The following ETV5 variants were observed in gnomAD, a reference collection of about 807,000 sequenced individuals.
ETV5 encodes the protein ETS variant transcription factor 5, also known as ETS translocation variant 5.
A neutral mutation model predicts 70.0 loss-of-function variants in ETV5; 10 were observed. That is an observed-to-expected ratio of 0.14 (90% CI 0.09 to 0.24). ETV5 has a LOEUF of 0.24. ETV5 is among the 10% of genes least tolerant of loss of function. The pLI is 1.00. For missense variants in ETV5, 453 were observed against 651.2 expected (o/e 0.70, Z 3.31); for synonymous variants, 216 against 242.2 (o/e 0.89, Z 1.01).
At chr3:186,080,902 C>T (rs929543735) in intron 6 of ETV5, 144 bp downstream of exon 6, 7 of 970,974 alleles carry the variant, frequency 7.2e-6, no homozygotes, top group Middle Eastern at 2.6e-4. Flanking sequence ...GGACTACACC[C>T]GGAGGATGAC....
intron 9 of ETV5, among the ~76,000 whole-genome samples, chr3:186,061,546 A>C (rs1273344591): frequency 6.6e-6 from 1 of 152,230 alleles, no homozygotes; most frequent in Non-Finnish European, 1.5e-5. Flanking sequence ...GATTTTGGGA[A>C]TCACACTGCT....
At chr3:186,067,534 C>G (rs1280499730) in intron 7 of ETV5, among the ~76,000 whole-genome samples, 1 of 152,060 alleles carries the variant, frequency 6.6e-6, no homozygotes, top group Non-Finnish European at 1.5e-5. Flanking sequence ...ATCACTTGAA[C>G]CCAGGAGGTG....
At chr3:186,053,582 T>G (rs1278932295) in intron 11 of ETV5, among the ~76,000 whole-genome samples, 2 of 152,230 alleles carry the variant, frequency 1.3e-5, no homozygotes, top group Non-Finnish European at 2.9e-5. Context: ...TGCATCTCTC[T>G]TAATTACAAT....
chr3:186,086,538 T>C (rs368863820), intron 5 of ETV5, among the ~76,000 whole-genome samples: 2 of 152,344 alleles, frequency 1.3e-5, no homozygotes, highest in Middle Eastern at 3.4e-3. Context: ...GGTCATTGGC[T>C]ATGAGGTCAA....
intron 5 of ETV5, among the ~76,000 whole-genome samples, chr3:186,089,027 A>G (rs1271308332): frequency 1.3e-5 from 2 of 152,240 alleles, no homozygotes; most frequent in Admixed American, 1.3e-4. Flanking sequence ...AAAATCTATT[A>G]TACCTCAATA....
At chr3:186,060,265 G>C (rs1713272452) in intron 9 of ETV5, among the ~76,000 whole-genome samples, 1 of 152,194 alleles carries the variant, frequency 6.6e-6, no homozygotes, top group African/African-American at 2.4e-5. Flanking sequence ...TTCTCAGTTT[G>C]GTTTTCAAAG....
At chr3:186,053,037 G>A (rs765406559) in intron 11 of ETV5, among the ~76,000 whole-genome samples, 10 of 151,708 alleles carry the variant, frequency 6.6e-5, no homozygotes, top group South Asian at 2.1e-4. Context: ...CAGGGGTCAC[G>A]TTTGGAGCAT....
chr3:186,065,882 G>A lies in ETV5; in HGVS notation c.841C>T (p.Pro281Ser), dbSNP rs558126076. 9.1e-5 allele frequency: 147 copies of A among 1,613,830 alleles called. No homozygotes were observed. Among genetic ancestry groups the A allele is most frequent in the Non-Finnish European group, 1.2e-4 (147 of 1,179,906 alleles). ...YEHGVPGMPG[P>S]PAHGFQSPMG... ...GGTGACTGGAACCCGTGTGCTGGGG[G>A]CCCTGGCATGCCCGGGACCCCATGT... Residue 281 changes from proline to serine, a missense_variant, in exon 8 of 13, where the codon CCC (proline) becomes TCC (serine). Physicochemically the swap from Pro to Ser is moderately conservative, Grantham distance 74. Transcript: ENST00000306376.
At chr3:186,086,425 C>G (rs1578555313) in intron 5 of ETV5, among the ~76,000 whole-genome samples, 1 of 152,102 alleles carries the variant, frequency 6.6e-6, no homozygotes, top group East Asian at 1.9e-4. Context: ...AAACATAAGG[C>G]AAATTAGAAA....
At position 186,048,781 on chromosome 3, in the gene ETV5, C is replaced by T. The variant is rs749844496; in HGVS notation, c.1391G>A (p.Arg464His). The change falls in exon 13 of 13, where the codon CGT becomes CAT. Residue 464 changes from arginine to histidine, a missense_variant. Coordinates refer to ENST00000306376, the MANE Select transcript of ETV5 (RefSeq NM_004454.3). ...CTCGGACTCTGCCTTCAGGAACGGA[C>T]GCTGGTTATCCGGGAAAGCCATGGA... Reference protein sequence around the residue: ...LFSMAFPDNQRPFLKAESECH... With the variant: ...LFSMAFPDNQHPFLKAESECH... 10 of 1,613,970 alleles carry T rather than the reference C, an allele frequency of 6.2e-6. No individual in the cohort carries two copies. The highest frequency in any genetic ancestry group is 1.1e-5 in the South Asian group (1 of 91,082).
intron 5 of ETV5, among the ~76,000 whole-genome samples, chr3:186,099,235 G>A (rs1714391021): frequency 6.6e-6 from 1 of 152,170 alleles, no homozygotes; most frequent in Non-Finnish European, 1.5e-5. Context: ...CATACTAGGG[G>A]CCTGGTATCT....
In ETV5 at chr3:186,105,263, A is replaced by G; in HGVS notation, c.232+42T>C. 1 of 1,580,704 alleles carries G rather than the reference A, an allele frequency of 6.3e-7. No individual in the cohort carries two copies. The highest frequency in any genetic ancestry group is 8.6e-7 in the Non-Finnish European group (1 of 1,157,782). On this transcript the variant is annotated intron_variant, in intron 5 of 12. Transcript: ENST00000306376. The surrounding 1 kb of genome is among the most constrained non-coding windows in gnomAD (Gnocchi z 4.5). Reference sequence around the variant, plus strand: ...CTAGACATGGATGATCTAAGACCAAACAATTTCAGAACAAATGTGCCATCA... The same window carrying G: ...CTAGACATGGATGATCTAAGACCAAGCAATTTCAGAACAAATGTGCCATCA...
intron 9 of ETV5, among the ~76,000 whole-genome samples, chr3:186,059,118 A>T (rs1382794064): frequency 2.0e-5 from 3 of 152,178 alleles, no homozygotes; most frequent in Admixed American, 2.0e-4. Context: ...TTCTTCAGTC[A>T]ACCCAGATCA....
intron 5 of ETV5, among the ~76,000 whole-genome samples, chr3:186,097,347 G>C (rs1714329984): frequency 6.6e-6 from 1 of 152,022 alleles, no homozygotes; most frequent in Non-Finnish European, 1.5e-5. Context: ...GTCTCCCCCT[G>C]TGTTAAAATT....
At chr3:186,073,858 T>C (rs73178154) in intron 7 of ETV5, among the ~76,000 whole-genome samples, 14 of 152,324 alleles carry the variant, frequency 9.2e-5, no homozygotes, top group Non-Finnish European at 1.6e-4. Flanking sequence ...CCTGGCAAAC[T>C]TCCATGTACA....
At position 186,064,447 on chromosome 3, in the gene ETV5, T is replaced by C. The variant is rs150747321; in HGVS notation, c.940A>G (p.Arg314Gly). Residue 314 changes from arginine to glycine, a missense_variant, in exon 9 of 13, where the codon AGA becomes GGA. By Grantham distance (125) the Arg-to-Gly change is moderately radical. Transcript: ENST00000306376. ...EVPNCQSSYM[R>G]GGYFSSSHEG... ...TGGCTGCTGGAGAAATAACCCCCTC[T>C]CATGTAGGATGACTGGCAGTTAGGC... The C allele has an allele frequency of 1.2e-6, 2 of 1,613,948 alleles. No individual in the cohort carries two copies. The highest frequency in any genetic ancestry group is 2.7e-5 in the African/African-American group (2 of 74,866).
chr3:186,057,022 A>G lies in ETV5; in HGVS notation c.1209+53T>C, dbSNP rs1291278164. 1 of 1,582,532 alleles carries G rather than the reference A, an allele frequency of 6.3e-7. No individual in the cohort carries two copies. Among genetic ancestry groups the G allele is most frequent in the Non-Finnish European group, 8.6e-7 (1 of 1,159,936 alleles). ...CTCAATGGAAATCTAAACAAAAAAC[A>G]TCATCAACAACAACAAATCAAAACC... On this transcript the variant is annotated intron_variant, in intron 11 of 12. Coordinates refer to ENST00000306376, the MANE Select transcript of ETV5 (RefSeq NM_004454.3). This position sits in a 1 kb window ranked among gnomAD's most constrained non-coding sequence, Gnocchi z 4.9.
chr3:186,058,337 T>C (rs1469697984), intron 9 of ETV5, among the ~76,000 whole-genome samples: 1 of 152,174 alleles, frequency 6.6e-6, no homozygotes, highest in Non-Finnish European at 1.5e-5. Context: ...TGGGGTCACA[T>C]CCCTCCTTGT....
intron 7 of ETV5, among the ~76,000 whole-genome samples, chr3:186,069,839 C>T (rs920210443): frequency 3.3e-5 from 5 of 152,154 alleles, no homozygotes; most frequent in Admixed American, 2.6e-4. Flanking sequence ...GACGGCGTCT[C>T]GCTCTTGTCC....
Sources: allele counts gnomAD v4.1 joint callset (sites outside exome capture counted in the v4.1 genomes callset), GRCh38; gene constraint gnomAD v4.1.1; non-coding constraint Gnocchi (gnomAD v3.1); transcripts MANE v1.5; gene names NCBI Gene and HGNC (gene_info 2026-07-23, HGNC 2026-07-21).